SLC4A8: variants seen among roughly 807,000 people sequenced by gnomAD.
SLC4A8 encodes electroneutral sodium bicarbonate exchanger 1.
Under a neutral mutation model 125.0 loss-of-function variants are expected in SLC4A8, and 40 were observed. The observed-to-expected ratio is 0.32, with a 90% CI of 0.25 to 0.42. The LOEUF is 0.42. SLC4A8 is among the 10% of genes least tolerant of loss of function. SLC4A8 has a pLI of 1.00. For synonymous variants in SLC4A8, 456 were observed against 476.0 expected, an observed-to-expected ratio of 0.96 and a Z score of 0.55; for missense variants, 863 against 1,355.1, an observed-to-expected ratio of 0.64 and a Z score of 5.70.
intron 1 of SLC4A8, among the ~76,000 whole-genome samples, chr12:51,432,085 A>G (rs925689381): frequency 1.3e-5 from 2 of 152,176 alleles, no homozygotes; most frequent in African/African-American, 4.8e-5. Flanking sequence ...TGAGGTATAT[A>G]AGTGTATTAC....
At chr12:51,496,852 T>G (rs1592274620) in intron 21 of SLC4A8, 135 bp from the exon 22 acceptor site, 1 of 782,620 alleles carries the variant, frequency 1.3e-6, no homozygotes, top group East Asian at 2.6e-5. Context: ...ATTCAATAAA[T>G]GGTGACTGTT....
chr12:51,462,447 C>G lies in SLC4A8; in HGVS notation c.1239C>G (p.Val413=). 1 of 1,572,348 alleles carries G rather than the reference C, an allele frequency of 6.4e-7. No individual in the cohort carries two copies. Among genetic ancestry groups the G allele is most frequent in the Non-Finnish European group, 8.6e-7 (1 of 1,162,896 alleles). ...PSIRIEPPKN[V]PSQEKRKMPG... ...TTAGAATTGAGCCACCCAAAAATGT[C>G]CCTTCCCAGGTAATGTATGCACATC... Residue 413 remains valine, a synonymous_variant, in exon 10 of 25, where the codon GTC becomes GTG. Coordinates refer to ENST00000453097, the MANE Select transcript of SLC4A8 (RefSeq NM_001039960.3).
upstream of SLC4A8, among the ~76,000 whole-genome samples, chr12:51,421,439 T>G (rs1315894067): frequency 6.6e-6 from 1 of 152,210 alleles, no homozygotes; most frequent in Non-Finnish European, 1.5e-5. Flanking sequence ...CTTTTGTAAT[T>G]TGCACAATAG....
At chr12:51,401,904 A>G in intron 1 of SLC4A8, among the ~76,000 whole-genome samples, 1 of 151,954 alleles carries the variant, frequency 6.6e-6, no homozygotes, top group Non-Finnish European at 1.5e-5. Flanking sequence ...AGCTGGGAGT[A>G]CAGACATGTG....
intron 8 of SLC4A8, among the ~76,000 whole-genome samples, 183 bp downstream of exon 8, chr12:51,460,291 G>A (rs796717364): frequency 6.6e-6 from 1 of 152,154 alleles, no homozygotes; most frequent in Non-Finnish European, 1.5e-5. Flanking sequence ...AGAGGCTGAG[G>A]TGGGGGATTA....
chr12:51,424,854 G>C lies in SLC4A8; in HGVS notation c.-134G>C. Reference sequence around the variant, plus strand: ...TCGCGGGCCGGTGGCTATGGAGGCGGCGGCGGTTGATGGTTGACCGTTGGC... The same window carrying C: ...TCGCGGGCCGGTGGCTATGGAGGCGCCGGCGGTTGATGGTTGACCGTTGGC... On this transcript the variant is annotated 5_prime_UTR_variant, in exon 1 of 25. Coordinates refer to ENST00000453097, the MANE Select transcript of SLC4A8 (RefSeq NM_001039960.3). The C allele has an allele frequency of 1.1e-6, 1 of 936,704 alleles. No individual in the cohort carries two copies. The highest frequency in any genetic ancestry group is 1.6e-6 in the Non-Finnish European group (1 of 623,456). The allele number at this position is 936,704 out of a possible 1,614,324, so 58.0% of individuals were successfully genotyped here. A position where few individuals can be genotyped will look rare whatever the true frequency, so the allele number is the denominator to read the frequency against.
intron 9 of SLC4A8, 72 bp from the exon 10 acceptor site, chr12:51,462,238 C>T (rs1291341405): frequency 2.2e-6 from 3 of 1,376,442 alleles, no homozygotes; most frequent in Non-Finnish European, 2.1e-6. Context: ...ATTCATTTTT[C>T]ACCATATCCA....
At chr12:51,501,648 T>A (rs902625582) in intron 22 of SLC4A8, among the ~76,000 whole-genome samples, 1 of 152,208 alleles carries the variant, frequency 6.6e-6, no homozygotes, top group Non-Finnish European at 1.5e-5. Context: ...ACAGAACAAT[T>A]TATTTTCCTT....
At chr12:51,442,140 C>T (rs1231233355) in intron 2 of SLC4A8, among the ~76,000 whole-genome samples, 1 of 152,166 alleles carries the variant, frequency 6.6e-6, no homozygotes, top group East Asian at 1.9e-4. Context: ...GTCATCGAGC[C>T]TAATTGCAGG....
rs1227232340 is a variant in SLC4A8 at position 51,433,863 on chromosome 12, T to G, written c.49-6845T>G. On this transcript the variant is annotated intron_variant, in intron 1 of 24. Transcript: ENST00000453097. ...GAACACACCATCTGTTTTTTTTTTT[T>G]TTTTTTTTTTTTTTTGGTTGGTTTT... 6.8e-4 allele frequency among the ~76,000 whole-genome samples: 48 copies of G among 70,392 alleles called. 1 individual carries two copies. The highest frequency in any genetic ancestry group is 0.011 in the Middle Eastern group (2 of 184). The allele number at this position is 70,392 out of a possible 152,430, so 46.2% of individuals were successfully genotyped here.
At chr12:51,460,176 A>C in intron 8 of SLC4A8, 68 bp downstream of exon 8, 1 of 1,159,266 alleles carries the variant, frequency 8.6e-7, no homozygotes, top group Non-Finnish European at 1.3e-6. Context: ...GGTAGAAGAA[A>C]CCACTTAATA....
intron 22 of SLC4A8, chr12:51,497,709 G>A (rs1951500723): frequency 6.6e-6 from 1 of 152,154 alleles, no homozygotes; most frequent in Admixed American, 6.6e-5. Context: ...GCCTAAAATA[G>A]TGTCCTTTGA....
At chr12:51,432,648 A>G (rs1949232978) in intron 1 of SLC4A8, among the ~76,000 whole-genome samples, 1 of 149,446 alleles carries the variant, frequency 6.7e-6, no homozygotes. Flanking sequence ...GTTTGAACCC[A>G]GGAGACAGAG....
At chr12:51,495,149 T>C (rs749101655) in intron 21 of SLC4A8, 31 bp downstream of exon 21, 2 of 1,545,130 alleles carry the variant, frequency 1.3e-6, no homozygotes, top group East Asian at 2.3e-5. Flanking sequence ...TAAATTCTTA[T>C]TATCATTGTT....
At position 51,490,676 on chromosome 12, in the gene SLC4A8, A is replaced by G. The variant is rs143045399; in HGVS notation, c.2700+725A>G. On this transcript the variant is annotated intron_variant, in intron 19 of 24. Transcript: ENST00000453097. ...TCAGGCCCTTAGGTGGGAAAGAGTGATATGTGTTCTACGAAATATCAGGGC... is the reference window on the plus strand; with the variant it reads ...TCAGGCCCTTAGGTGGGAAAGAGTGGTATGTGTTCTACGAAATATCAGGGC... Among the ~76,000 whole-genome samples the G allele has an allele frequency of 2.3e-3, 349 of 151,630 alleles. 2 individuals carry two copies. Among genetic ancestry groups the G allele is most frequent in the African/African-American group, 8.1e-3 (334 of 41,290 alleles).
intron 16 of SLC4A8, chr12:51,480,340 G>C (rs988925556): frequency 1.7e-6 from 2 of 1,175,430 alleles, no homozygotes; most frequent in Non-Finnish European, 2.1e-6. Flanking sequence ...ATACAAGGCA[G>C]ATTTCCCTGG....
At chr12:51,498,455 TA>T (rs1437200469) in intron 22 of SLC4A8, among the ~76,000 whole-genome samples, 1 of 151,798 alleles carries the variant, frequency 6.6e-6, no homozygotes, top group Non-Finnish European at 1.5e-5. Flanking sequence ...AAATAAATAT[TA>T]AAAAATAAAA....
In SLC4A8 at chr12:51,453,392, A is replaced by T. The variant is rs1340738609; in HGVS notation, c.414-147A>T. ...GTTCTATTACCTGCTTTTTTCACTTATCAATGTACCCTGAACATACAGATT... is the reference window on the plus strand; with the variant it reads ...GTTCTATTACCTGCTTTTTTCACTTTTCAATGTACCCTGAACATACAGATT... On this transcript the variant is annotated intron_variant, in intron 4 of 24. Coordinates refer to ENST00000453097, the MANE Select transcript of SLC4A8 (RefSeq NM_001039960.3). The T allele has an allele frequency of 8.1e-6, 6 of 744,106 alleles. No homozygotes were observed. The South Asian group carries it at 8.4e-5, about 10-fold the overall frequency. 46.1% of individuals were successfully genotyped at this position (744,106 alleles called of 1,614,324 possible).
At chr12:51,485,662 C>T in intron 16 of SLC4A8, 125 bp from the exon 17 acceptor site, 3 of 598,946 alleles carry the variant, frequency 5.0e-6, no homozygotes, top group East Asian at 5.5e-5. Flanking sequence ...TTTAAATTTG[C>T]TTGCATTAAT....
Sources: allele counts gnomAD v4.1 joint callset (sites outside exome capture counted in the v4.1 genomes callset), GRCh38; gene constraint gnomAD v4.1.1; transcripts MANE v1.5; gene names NCBI Gene and HGNC (gene_info 2026-07-23, HGNC 2026-07-21).